The following BOD1L1 variants were observed in gnomAD, a reference collection of about 807,000 sequenced individuals.
The protein encoded by BOD1L1 is biorientation of chromosomes in cell division 1 like 1.
In BOD1L1, 86 loss-of-function variants were observed where a neutral mutation model predicts 240.7. That is an observed-to-expected ratio of 0.36 (90% confidence interval 0.30 to 0.43). BOD1L1 has a LOEUF of 0.43. Among genes scored for constraint, BOD1L1 ranks in the 20% least tolerant of loss-of-function variants. The pLI is 1.00. For missense variants in BOD1L1, 3,554 were observed against 3,643.5 expected (o/e 0.98, Z 0.63); for synonymous variants, 1,268 against 1,272.3 (o/e 1.00, Z 0.07).
rs781057092 is a variant in BOD1L1, at chr4:13,599,152, G to T, written c.7748C>A (p.Thr2583Lys). 3 of 1,614,026 alleles carry T rather than the reference G, an allele frequency of 1.9e-6. No homozygotes were observed. Among genetic ancestry groups the T allele is most frequent in the Admixed American group, 3.3e-5 (2 of 60,016 alleles). ...GQESKIAPSH[T>K]MIPPATYSVA... ...ACTGTAAGTAGCTGGAGGGATCATTGTGTGGGAAGGAGCAATTTTTGATTC... is the reference window on the plus strand; with the variant it reads ...ACTGTAAGTAGCTGGAGGGATCATTTTGTGGGAAGGAGCAATTTTTGATTC... Residue 2583 changes from threonine (T) to lysine (K), a missense_variant, in exon 10 of 26, where the codon ACA (threonine) becomes AAA (lysine). Physicochemically the swap from Thr to Lys is moderately conservative, Grantham distance 78. Transcript: ENST00000040738.
Position 13,602,704 on chromosome 4 carries a change from T to C in BOD1L1, c.4196A>G (p.Asn1399Ser), listed in dbSNP as rs1195009394. 1.2e-6 allele frequency: 2 copies of C among 1,614,072 alleles called. No individual in the cohort carries two copies. Among genetic ancestry groups the C allele is most frequent in the Middle Eastern group, 1.6e-4 (1 of 6,062 alleles). ...CACTAAGCCACCTTCTTTGGTAATA[T>C]TCTCATTTTCCACAATCACGCCCGT... ...KLTGVIVENE[N>S]ITKEGGLVDM... is the part of the protein sequence containing the mutation. The change falls in exon 10 of 26, where the codon AAT becomes AGT. Residue 1399 changes from asparagine (N) to serine (S), a missense_variant. Physicochemically the swap from Asn to Ser is conservative, Grantham distance 46. Transcript: ENST00000040738.
Position 13,585,090 on chromosome 4 carries a change from A to T in BOD1L1, c.8433+1306T>A, listed in dbSNP as rs1713565800. On this transcript the variant is annotated intron_variant, in intron 17 of 25. Transcript: ENST00000040738. The stretch of plus-strand genomic sequence containing the variant: ...TACCCCTTCAATCTGCTTTTCTTCA[A>T]ATTTAGAAGTATTGTCTCAGGATTT... 2.6e-5 allele frequency among the ~76,000 whole-genome samples: 4 copies of T among 152,296 alleles called. No individual in the cohort carries two copies. The South Asian group carries it at 8.3e-4, about 32-fold the overall frequency.
At chr4:13,616,232 T>C (rs964185696) in intron 2 of BOD1L1, among the ~76,000 whole-genome samples, 1 of 152,218 alleles carries the variant, frequency 6.6e-6, no homozygotes, top group African/African-American at 2.4e-5. Context: ...CAGGCACTAG[T>C]ACACAACATG....
In BOD1L1 at chr4:13,603,406, T is replaced by G; in HGVS notation, c.3494A>C (p.Asp1165Ala). The change falls in exon 10 of 26, where the codon GAT (aspartate) becomes GCT (alanine). Residue 1165 changes from aspartate to alanine, a missense_variant. Around this residue, in one of 2 missense-constraint regions of BOD1L1, gnomAD observed 3,393 missense variants for 3,427.1 expected, o/e 0.99. Coordinates refer to ENST00000040738, the MANE Select transcript of BOD1L1 (RefSeq NM_148894.3). Reference sequence around the variant, plus strand: ...ATCTGCTGTGCAAGTTCTCAATTCATCCTTTTGAACAGTGGCAGAAGTTTT... The same window carrying G: ...ATCTGCTGTGCAAGTTCTCAATTCAGCCTTTTGAACAGTGGCAGAAGTTTT... ...KQKTSATVQK[D>A]ELRTCTADSK... The G allele has an allele frequency of 1.2e-6, 2 of 1,613,926 alleles. No individual in the cohort carries two copies. Among genetic ancestry groups the G allele is most frequent in the Non-Finnish European group, 1.7e-6 (2 of 1,179,876 alleles).
chr4:13,583,954 C>A (rs1713436480), intron 17 of BOD1L1, among the ~76,000 whole-genome samples: 1 of 152,146 alleles, frequency 6.6e-6, no homozygotes, highest in African/African-American at 2.4e-5. Flanking sequence ...GTGGGACTCC[C>A]AGCTACCCTT....
In BOD1L1 at chr4:13,627,391, A is replaced by G; in HGVS notation, c.197T>C (p.Leu66Pro). 7.2e-7 allele frequency: 1 copy of G among 1,384,424 alleles called. No homozygotes were observed. Among genetic ancestry groups the G allele is most frequent in the Non-Finnish European group, 9.5e-7 (1 of 1,057,716 alleles). 85.8% of individuals were successfully genotyped at this position (1,384,424 alleles called of 1,614,324 possible). ...GCAGTCTCTGCGGAACTGGTCGAAG[A>G]GCCCCTGGCTCTTGAGGTGGTTCAC... ...MIVNHLKSQGLFDQFRRDCLA... is the reference protein window; with the variant it reads ...MIVNHLKSQGPFDQFRRDCLA... Residue 66 changes from leucine (L) to proline (P), a missense_variant, in exon 1 of 26, where the codon CTC (leucine) becomes CCC (proline). This residue lies in a region of BOD1L1 where 161 missense variants were observed against 216.4 expected (regional missense o/e 0.74). Transcript: ENST00000040738.
chr4:13,573,430 G>A (rs59983002), intron 25 of BOD1L1, among the ~76,000 whole-genome samples: 1 of 69,470 alleles, frequency 1.4e-5, no homozygotes, highest in African/African-American at 3.5e-5. Context: ...CTGTCTGTCT[G>A]TCTGTCTGTC....
Position 13,602,443 on chromosome 4 carries a change from G to C in BOD1L1, c.4457C>G (p.Ala1486Gly). Residue 1486 changes from alanine (A) to glycine (G), a missense_variant, in exon 10 of 26, where the codon GCT becomes GGT. Around this residue, in one of 2 missense-constraint regions of BOD1L1, gnomAD observed 3,393 missense variants for 3,427.1 expected, o/e 0.99. Transcript: ENST00000040738. ...AACAGAGGGTGCAGAGCCACTTCCAGCACTGGTGTCTACCTCACTGTTTTC... is the reference window on the plus strand; with the variant it reads ...AACAGAGGGTGCAGAGCCACTTCCACCACTGGTGTCTACCTCACTGTTTTC... The part of the protein sequence containing the change: ...RNENSEVDTS[A>G]GSGSAPSVLH... 1 of 1,613,996 alleles carries C rather than the reference G, an allele frequency of 6.2e-7. No homozygotes were observed. The highest frequency in any genetic ancestry group is 8.5e-7 in the Non-Finnish European group (1 of 1,179,892).
In BOD1L1 at chr4:13,599,168, T is replaced by C; in HGVS notation, c.7732A>G (p.Ile2578Val). 1.9e-6 allele frequency: 3 copies of C among 1,613,972 alleles called. No homozygotes were observed. Among genetic ancestry groups the C allele is most frequent in the South Asian group, 1.1e-5 (1 of 91,078 alleles). The change falls in exon 10 of 26, where the codon ATT becomes GTT. Residue 2578 changes from isoleucine (I) to valine (V), a missense_variant. This residue lies in a region of BOD1L1 where 3,393 missense variants were observed against 3,427.1 expected (regional missense o/e 0.99). Coordinates refer to ENST00000040738, the MANE Select transcript of BOD1L1 (RefSeq NM_148894.3). ...GGGATCATTGTGTGGGAAGGAGCAA[T>C]TTTTGATTCTTGGCCAGTAATACAT... ...TKCITGQESK[I>V]APSHTMIPPA...
chr4:13,602,037 A>T lies in BOD1L1; in HGVS notation c.4863T>A (p.Ala1621=), dbSNP rs753558805. ...GGTCTGCTGCTCTGTCCTCAGATTCAGCCACAGCACACTCCCCACTTTCCC... is the reference window on the plus strand; with the variant it reads ...GGTCTGCTGCTCTGTCCTCAGATTCTGCCACAGCACACTCCCCACTTTCCC... ...KEGESGECAV[A]ESEDRAADLL... is the part of the protein sequence containing the mutation. The change falls in exon 10 of 26, where the codon GCT becomes GCA. Residue 1621 remains alanine, a synonymous_variant. Transcript: ENST00000040738. The T allele has an allele frequency of 6.2e-7, 1 of 1,614,004 alleles. No individual in the cohort carries two copies. Among genetic ancestry groups the T allele is most frequent in the Non-Finnish European group, 8.5e-7 (1 of 1,179,896 alleles).
rs772087503 is a variant in BOD1L1 at position 13,587,692 on chromosome 4, T to C, written c.8353+7A>G. On this transcript the variant is annotated splice_region_variant and intron_variant, in intron 16 of 25. Transcript: ENST00000040738. Reference sequence around the variant, plus strand: ...GATGTCTAAAACAGAAACATAAATATAAATACCTGGTTCATCTTCTGAAGA... The same window carrying C: ...GATGTCTAAAACAGAAACATAAATACAAATACCTGGTTCATCTTCTGAAGA... 6.5e-7 allele frequency: 1 copy of C among 1,536,364 alleles called. No homozygotes were observed. The highest frequency in any genetic ancestry group is 1.4e-5 in the African/African-American group (1 of 73,022).
Position 13,627,418 on chromosome 4 carries a change from A to T in BOD1L1, c.170T>A (p.Ile57Asn). The T allele has an allele frequency of 7.2e-7, 1 of 1,381,966 alleles. No individual in the cohort carries two copies. The highest frequency in any genetic ancestry group is 1.9e-5 in the South Asian group (1 of 54,014). 85.6% of individuals were successfully genotyped at this position (1,381,966 alleles called of 1,614,324 possible). A position where few individuals can be genotyped will look rare whatever the true frequency, so the allele number is the denominator to read the frequency against. ...GAGDPQLVAM[I>N]VNHLKSQGLF... ...CCCCTGGCTCTTGAGGTGGTTCACG[A>T]TCATGGCCACGAGCTGCGGGTCCCC... Residue 57 changes from isoleucine (I) to asparagine (N), a missense_variant, in exon 1 of 26, where the codon ATC (isoleucine) becomes AAC (asparagine). Ile to Asn is a moderately radical substitution (Grantham distance 149, BLOSUM62 -3). Coordinates refer to ENST00000040738, the MANE Select transcript of BOD1L1 (RefSeq NM_148894.3).
At chr4:13,617,042 C>T (rs999041557) in intron 2 of BOD1L1, among the ~76,000 whole-genome samples, 4 of 152,008 alleles carry the variant, frequency 2.6e-5, no homozygotes, top group South Asian at 4.1e-4. Flanking sequence ...GTCAGGAGAT[C>T]GAGACCATCC....
Position 13,613,529 on chromosome 4 carries a change from C to T in BOD1L1, c.1307G>A (p.Gly436Glu), listed in dbSNP as rs1383611436. ...TGCTTTACCATCTGACGTAATCTCT[C>T]CTTCTTCCATGCTATCAGACGTTAC... Reference protein sequence around the residue: ...EVVTSDSMEEGEITSDDEEKN... With the variant: ...EVVTSDSMEEEEITSDDEEKN... The change falls in exon 5 of 26, where the codon GGA (glycine) becomes GAA (glutamate). Residue 436 changes from glycine to glutamate, a missense_variant. Gly to Glu is a moderately conservative substitution (Grantham distance 98). Around this residue, in one of 2 missense-constraint regions of BOD1L1, gnomAD observed 3,393 missense variants for 3,427.1 expected, o/e 0.99. Coordinates refer to ENST00000040738, the MANE Select transcript of BOD1L1 (RefSeq NM_148894.3). The surrounding 1 kb of genome is among the most constrained non-coding windows in gnomAD (Gnocchi z 4.0). 1 of 1,611,740 alleles carries T rather than the reference C, an allele frequency of 6.2e-7. No individual in the cohort carries two copies. Among genetic ancestry groups the T allele is most frequent in the African/African-American group, 1.3e-5 (1 of 74,940 alleles).
intron 24 of BOD1L1, 136 bp from the exon 25 acceptor site, chr4:13,577,127 C>G: frequency 1.8e-6 from 2 of 1,090,632 alleles, no homozygotes; most frequent in Non-Finnish European, 2.6e-6. Flanking sequence ...CTTTTTGTTT[C>G]AGCACTTGCA....
chr4:13,627,565 T>A lies in BOD1L1; in HGVS notation c.23A>T (p.Gln8Leu). 1.8e-6 allele frequency: 2 copies of A among 1,137,242 alleles called. No homozygotes were observed. Among genetic ancestry groups the A allele is most frequent in the Non-Finnish European group, 2.2e-6 (2 of 927,188 alleles). The allele number at this position is 1,137,242 out of a possible 1,614,324, so 70.4% of individuals were successfully genotyped here. Residue 8 changes from glutamine (Q) to leucine (L), a missense_variant, in exon 1 of 26, where the codon CAG becomes CTG. Around this residue, in one of 2 missense-constraint regions of BOD1L1, gnomAD observed 161 missense variants for 216.4 expected, o/e 0.74. Transcript: ENST00000040738. ...AGGCGGCGGCGCCGGAGGAGGCGGC[T>A]GCGGCTGTGGGTTGGTGGCCATGGT... The part of the protein sequence containing the change: MATNPQP[Q>L]PPPPAPPPPP...
chr4:13,609,788 A>C (rs189725460), intron 6 of BOD1L1, among the ~76,000 whole-genome samples: 3 of 152,342 alleles, frequency 2.0e-5, no homozygotes, highest in African/African-American at 7.2e-5. Flanking sequence ...AGGTGTTTAT[A>C]ACTTTTCAAC....
chr4:13,617,731 C>A (rs1490062251), intron 2 of BOD1L1, among the ~76,000 whole-genome samples: 2 of 152,140 alleles, frequency 1.3e-5, no homozygotes, highest in Admixed American at 6.5e-5. Context: ...TGGTATTAGA[C>A]CATTTTTGTC....
At chr4:13,579,428 A>C (rs1713042247) in intron 22 of BOD1L1, among the ~76,000 whole-genome samples, 1 of 152,212 alleles carries the variant, frequency 6.6e-6, no homozygotes, top group African/African-American at 2.4e-5. Flanking sequence ...TATTTGCTTT[A>C]TTTGCTGATG....
Sources: gnomAD v4.1 joint callset for allele counts (sites outside exome capture counted in the v4.1 genomes callset) on GRCh38, gnomAD v4.1.1 for gene constraint, gnomAD v4.1.1 regional missense constraint, Gnocchi (gnomAD v3.1) non-coding constraint, MANE v1.5 for transcripts, NCBI Gene and HGNC (gene_info 2026-07-23, HGNC 2026-07-21) for gene names.